AARS1: variants seen among roughly 807,000 people sequenced by gnomAD.
AARS1 encodes the protein alanine--tRNA ligase, cytoplasmic.
A neutral mutation model predicts 108.9 loss-of-function variants in AARS1; 72 were observed. The observed-to-expected ratio is 0.66, with a 90% CI of 0.55 to 0.80. The LOEUF is 0.80. AARS1 is among the 30% of genes least tolerant of loss of function. AARS1 has a pLI of 0.00. For synonymous variants in AARS1, 489 were observed against 465.7 expected, an observed-to-expected ratio of 1.05 and a Z score of -0.64; for missense variants, 1,193 against 1,233.2, an observed-to-expected ratio of 0.97 and a Z score of 0.49.
intron 4 of AARS1, 90 bp from the exon 5 acceptor site, chr16:70,272,062 T>G: frequency 7.8e-7 from 1 of 1,285,548 alleles, no homozygotes; most frequent in East Asian, 2.3e-5. Flanking sequence ...TTCTTAGGAT[T>G]GGCCGGGCAC....
chr16:70,280,903 C>T (rs1376732737), intron 2 of AARS1, among the ~76,000 whole-genome samples: 2 of 152,184 alleles, frequency 1.3e-5, no homozygotes, highest in Non-Finnish European at 2.9e-5. Flanking sequence ...TCAGGGATCA[C>T]CATAGCCTTG....
In AARS1 at chr16:70,276,851, T is replaced by G. The variant is rs551566654; in HGVS notation, c.333+115A>C. On this transcript the variant is annotated intron_variant, in intron 3 of 20. Transcript: ENST00000261772. The stretch of plus-strand genomic sequence containing the variant: ...AGAATTAATAAATGCCATTCATTCC[T>G]GAATCACCTAGATGATATTTCATAT... The G allele has an allele frequency of 1.6e-5, 21 of 1,308,134 alleles. No homozygotes were observed. The East Asian group carries it at 5.0e-4, about 31-fold the overall frequency. The allele number at this position is 1,308,134 out of a possible 1,614,324, so 81.0% of individuals were successfully genotyped here.
At chr16:70,254,218 A>G (rs918994163) in intron 17 of AARS1, among the ~76,000 whole-genome samples, 180 bp from the exon 18 acceptor site, 9 of 152,192 alleles carry the variant, frequency 5.9e-5, no homozygotes, top group Non-Finnish European at 1.2e-4. Context: ...AGGGCTAGAG[A>G]GAAAGGAGCA....
chr16:70,269,845 G>T, intron 6 of AARS1, 82 bp from the exon 7 acceptor site: 1 of 1,561,802 alleles, frequency 6.4e-7, no homozygotes. Context: ...CTGGAGGATT[G>T]AGGAGCATTA....
Position 70,276,533 on chromosome 16 carries a change from A to C in AARS1, c.432T>G (p.Ala144=). The C allele has an allele frequency of 1.2e-6, 2 of 1,614,182 alleles. No homozygotes were observed. Among genetic ancestry groups the C allele is most frequent in the Non-Finnish European group, 1.7e-6 (2 of 1,180,038 alleles). The change falls in exon 4 of 21, where the codon GCT becomes GCG. Residue 144 remains alanine (A), a synonymous_variant. Transcript: ENST00000261772. ...YVTYFGGDEA[A]GLEADLECKQ... is the part of the protein sequence containing the mutation. ...TGCATTCCAGATCTGCTTCTAAGCC[A>C]GCTGCTTCATCCCCGCCAAAGTAAG...
At position 70,258,895 on chromosome 16, in the gene AARS1, CAG is replaced by C. The variant is rs34846578; in HGVS notation, c.1992+83_1992+84del. The C allele has an allele frequency of 0.36, 513,097 of 1,439,794 alleles. 97,246 individuals carry two copies. Among genetic ancestry groups the C allele is most frequent in the Non-Finnish European group, 0.38 (394,044 of 1,023,620 alleles). The allele number at this position is 1,439,794 out of a possible 1,614,324, so 89.2% of individuals were successfully genotyped here. ...TACGTGCAGGACGAATCTGATACAACAGAGTGAGAGCACCGCACTGCTAAGAC... is the reference window on the plus strand; with the variant it reads ...TACGTGCAGGACGAATCTGATACAACAGTGAGAGCACCGCACTGCTAAGAC... On this transcript the variant is annotated intron_variant, in intron 14 of 20. Transcript: ENST00000261772.
At chr16:70,266,212 G>T (rs1342968296) in intron 9 of AARS1, among the ~76,000 whole-genome samples, 1 of 152,168 alleles carries the variant, frequency 6.6e-6, no homozygotes, top group African/African-American at 2.4e-5. Flanking sequence ...TACTCGGGAG[G>T]CTGAGGCAGG....
At chr16:70,286,625 C>T (rs1193722747) in intron 1 of AARS1, among the ~76,000 whole-genome samples, 2 of 146,132 alleles carry the variant, frequency 1.4e-5, no homozygotes. Context: ...ATCACAAGGT[C>T]AGGAGATCAA....
At chr16:70,254,163 T>A in intron 17 of AARS1, 125 bp from the exon 18 acceptor site, 1 of 1,295,564 alleles carries the variant, frequency 7.7e-7, no homozygotes, top group South Asian at 1.2e-5. Context: ...AAGGAAAGCT[T>A]TGAGACCAGT....
intron 8 of AARS1, 128 bp downstream of exon 8, chr16:70,268,143 G>T: frequency 2.2e-6 from 2 of 889,062 alleles, no homozygotes; most frequent in Non-Finnish European, 3.6e-6. Context: ...ACTCCAGCGT[G>T]GGTGACAGAG....
chr16:70,283,311 C>T (rs1331961990), intron 1 of AARS1, among the ~76,000 whole-genome samples: 1 of 151,644 alleles, frequency 6.6e-6, no homozygotes, highest in East Asian at 1.9e-4. Flanking sequence ...GCAGGAGAAT[C>T]GCTTGAACCC....
At chr16:70,255,927 G>C in intron 15 of AARS1, 91 bp from the exon 16 acceptor site, 2 of 1,222,630 alleles carry the variant, frequency 1.6e-6, no homozygotes, top group Non-Finnish European at 1.2e-6. Flanking sequence ...AGCAGGAATG[G>C]GTTGACAGTC....
intron 19 of AARS1, 105 bp from the exon 20 acceptor site, chr16:70,253,486 C>G (rs1186145829): frequency 9.0e-7 from 1 of 1,106,960 alleles, no homozygotes; most frequent in African/African-American, 1.5e-5. Context: ...TACCCCTTCC[C>G]AGAGCAGGGG....
intron 17 of AARS1, 114 bp downstream of exon 17, chr16:70,254,507 C>T: frequency 1.3e-6 from 1 of 786,884 alleles, no homozygotes; most frequent in South Asian, 1.4e-5. Flanking sequence ...GAAGTCAGCC[C>T]AAAGGCCCAT....
At chr16:70,287,787 G>C (rs933687799) in intron 1 of AARS1, among the ~76,000 whole-genome samples, 1 of 152,040 alleles carries the variant, frequency 6.6e-6, no homozygotes, top group Non-Finnish European at 1.5e-5. Flanking sequence ...TTTTGAGACG[G>C]TGTTTCGCTC....
At chr16:70,262,238 A>G in intron 12 of AARS1, 108 bp downstream of exon 12, 1 of 1,360,060 alleles carries the variant, frequency 7.4e-7, no homozygotes, top group African/African-American at 1.4e-5. Flanking sequence ...ACCCAACCCA[A>G]AGGTGTGTCA....
At chr16:70,257,561 T>G (rs1960021732) in intron 15 of AARS1, among the ~76,000 whole-genome samples, 1 of 152,164 alleles carries the variant, frequency 6.6e-6, no homozygotes, top group Non-Finnish European at 1.5e-5. Flanking sequence ...CAAGCCAAAC[T>G]GAGCTGAGTC....
rs755572006 is a variant in AARS1 at position 70,282,710 on chromosome 16, GAAGA to G, written c.50_53del (p.Phe17SerfsTer29). The G allele has an allele frequency of 6.2e-7, 1 of 1,614,088 alleles. No individual in the cohort carries two copies. Among genetic ancestry groups the G allele is most frequent in the Non-Finnish European group, 8.5e-7 (1 of 1,180,020 alleles). On this transcript the variant is annotated frameshift_variant, in exon 2 of 21. Transcript: ENST00000261772. LOFTEE classifies it high-confidence loss of function. ...GAACATACGTATGCTCGTTCCTCTTGAAGAAATCTATAAATCGCTGCCGGATTTC... is the reference window on the plus strand; with the variant it reads ...GAACATACGTATGCTCGTTCCTCTTGAATCTATAAATCGCTGCCGGATTTC...
chr16:70,283,889 T>C lies in AARS1; in HGVS notation c.-21-1105A>G, dbSNP rs560661023. On this transcript the variant is annotated intron_variant, in intron 1 of 20. Coordinates refer to ENST00000261772, the MANE Select transcript of AARS1 (RefSeq NM_001605.3). ...GAAAGTGAAAGTACAAGGGAACTGG[T>C]GGAGAGAGAAAAAACTTTATGACTT... is the stretch of plus-strand genomic sequence containing the variant. Among the ~76,000 whole-genome samples the C allele has an allele frequency of 7.5e-4, 114 of 152,234 alleles. 1 individual carries two copies. The South Asian group carries it at 0.015, about 19-fold the overall frequency.
Sources: allele counts gnomAD v4.1 joint callset (sites outside exome capture counted in the v4.1 genomes callset), GRCh38; gene constraint gnomAD v4.1.1; transcripts MANE v1.5; gene names NCBI Gene and HGNC (gene_info 2026-07-23, HGNC 2026-07-21).